The following NFIB variants were observed in gnomAD, a reference collection of about 807,000 sequenced individuals.
NFIB encodes the protein nuclear factor 1 B-type.
In NFIB, 11 loss-of-function variants were observed where a neutral mutation model predicts 61.5. The ratio of observed to expected loss-of-function variants is 0.18; its 90% confidence interval spans 0.11 to 0.30. NFIB has a LOEUF of 0.30. Among genes scored for constraint, NFIB ranks in the 10% least tolerant of loss-of-function variants. NFIB has a pLI of 1.00. For synonymous variants in NFIB, 260 were observed against 216.5 expected (o/e 1.20, Z -1.76); for missense variants, 471 against 608.9 (o/e 0.77, Z 2.38).
chr9:14,157,303 G>A (rs1041714971), intron 3 of NFIB, among the ~76,000 whole-genome samples: 2 of 152,078 alleles, frequency 1.3e-5, no homozygotes, highest in African/African-American at 4.8e-5. Context: ...GCACCACACT[G>A]CTTTTCAACC....
intron 1 of NFIB, among the ~76,000 whole-genome samples, chr9:14,390,745 G>C (rs1026168532): frequency 6.6e-6 from 1 of 152,220 alleles, no homozygotes; most frequent in African/African-American, 2.4e-5. Flanking sequence ...TGAGAACACA[G>C]TGAGAAGATG....
Position 14,313,467 on chromosome 9 carries a change from G to C in NFIB, c.30+15C>G. ...GGCCAGAGAGAAAGCTCGAGAAAGC[G>C]ACCGAGACATGTACCTGAGTGAGAC... On this transcript the variant is annotated intron_variant, in intron 1 of 10. Coordinates refer to ENST00000380953, the MANE Select transcript of NFIB (RefSeq NM_001190737.2). This position sits in a 1 kb window ranked among gnomAD's most constrained non-coding sequence, Gnocchi z 4.5. The C allele has an allele frequency of 6.2e-7, 1 of 1,613,700 alleles. No individual in the cohort carries two copies. Among genetic ancestry groups the C allele is most frequent in the South Asian group, 1.1e-5 (1 of 91,036 alleles).
At chr9:14,220,827 T>C (rs2051548972) in intron 2 of NFIB, among the ~76,000 whole-genome samples, 1 of 119,114 alleles carries the variant, frequency 8.4e-6, no homozygotes, top group Non-Finnish European at 1.8e-5. Flanking sequence ...CTATATCCAG[T>C]GAAATCAATC....
intron 2 of NFIB, among the ~76,000 whole-genome samples, chr9:14,182,051 T>C (rs1329750384): frequency 6.6e-6 from 1 of 152,208 alleles, no homozygotes; most frequent in Non-Finnish European, 1.5e-5. Flanking sequence ...ACTATCCAGC[T>C]AGAACAATGG....
At chr9:14,496,665 T>C in the NFIB span, among the ~76,000 whole-genome samples, 7 of 152,226 alleles carry the variant, frequency 4.6e-5, no homozygotes, top group Admixed American at 3.9e-4. Flanking sequence ...CCTTAATAAG[T>C]GAGGTACCCA....
chr9:14,469,243 T>A, the NFIB span, among the ~76,000 whole-genome samples: 2 of 152,206 alleles, frequency 1.3e-5, no homozygotes, highest in Non-Finnish European at 2.9e-5. Flanking sequence ...AGTTTTATCA[T>A]ACGGCAAAAA....
chr9:14,335,879 T>C (rs945086124), intron 1 of NFIB, among the ~76,000 whole-genome samples: 4 of 152,256 alleles, frequency 2.6e-5, no homozygotes, highest in Non-Finnish European at 5.9e-5. Context: ...CAAAATTCAT[T>C]ACTTTTATAT....
intron 2 of NFIB, among the ~76,000 whole-genome samples, chr9:14,245,136 T>A (rs1484061350): frequency 6.6e-6 from 1 of 152,156 alleles, no homozygotes; most frequent in Non-Finnish European, 1.5e-5. Context: ...AACACTTGGG[T>A]CATGCCTACC....
intron 2 of NFIB, among the ~76,000 whole-genome samples, chr9:14,232,606 G>A (rs1297436051): frequency 6.6e-6 from 1 of 152,156 alleles, no homozygotes; most frequent in Non-Finnish European, 1.5e-5. Flanking sequence ...ACGAAGTCTG[G>A]AAGTCCATTT....
At chr9:14,322,238 C>A (rs2060678661) in intron 1 of NFIB, 2 of 677,358 alleles carry the variant, frequency 3.0e-6, no homozygotes, top group Non-Finnish European at 4.1e-6. Flanking sequence ...TTCCAGCTTT[C>A]TTTCCTCTCC....
chr9:14,530,851 T>C, the NFIB span, among the ~76,000 whole-genome samples: 1 of 147,692 alleles, frequency 6.8e-6, no homozygotes, highest in Non-Finnish European at 1.5e-5. Context: ...ACAATAATTA[T>C]CGAAGCAAAC....
chr9:14,300,314 A>G (rs2059682527), intron 2 of NFIB: 1 of 398,148 alleles, frequency 2.5e-6, no homozygotes, highest in Non-Finnish European at 4.4e-6. Flanking sequence ...AGATTTCTAA[A>G]ATTATTCCTC....
At chr9:14,418,427 C>A in the NFIB span, among the ~76,000 whole-genome samples, 20 of 152,146 alleles carry the variant, frequency 1.3e-4, no homozygotes. Flanking sequence ...TACAAATGAA[C>A]CCCCACCCCC....
intron 4 of NFIB, among the ~76,000 whole-genome samples, chr9:14,153,550 C>A (rs1357653151): frequency 6.6e-6 from 1 of 152,024 alleles, no homozygotes; most frequent in Non-Finnish European, 1.5e-5. Flanking sequence ...CTTTAATCTC[C>A]CTTATTGTTC....
intron 3 of NFIB, among the ~76,000 whole-genome samples, chr9:14,175,563 G>A (rs569677093): frequency 6.6e-5 from 10 of 152,208 alleles, no homozygotes; most frequent in African/African-American, 2.2e-4. Flanking sequence ...TATTTATTTA[G>A]TGTCATCCTT....
chr9:14,211,825 CA>C (rs1479497840), intron 2 of NFIB, among the ~76,000 whole-genome samples: 1 of 152,178 alleles, frequency 6.6e-6, no homozygotes, highest in African/African-American at 2.4e-5. Flanking sequence ...TGAGTTGTGA[CA>C]TGAATATTGT....
the NFIB span, among the ~76,000 whole-genome samples, chr9:14,434,025 G>A: frequency 6.6e-6 from 1 of 152,330 alleles, no homozygotes; most frequent in East Asian, 1.9e-4. Context: ...CTACTGAAGA[G>A]CTGAGCACTA....
At chr9:14,273,559 C>T (rs80223912) in intron 2 of NFIB, among the ~76,000 whole-genome samples, 3,511 of 152,162 alleles carry the variant, frequency 0.023, 66 homozygotes, top group Non-Finnish European at 0.037. Context: ...TGGTCAGGCA[C>T]GCTACACAGA....
chr9:14,088,173 A>C lies in NFIB; in HGVS notation c.*136T>G. 5 of 1,429,734 alleles carry C rather than the reference A, an allele frequency of 3.5e-6. No homozygotes were observed. Among genetic ancestry groups the C allele is most frequent in the Non-Finnish European group, 4.6e-6 (5 of 1,080,700 alleles). 88.6% of individuals were successfully genotyped at this position (1,429,734 alleles called of 1,614,324 possible). On this transcript the variant is annotated 3_prime_UTR_variant, in exon 11 of 11. Coordinates refer to ENST00000380953, the MANE Select transcript of NFIB (RefSeq NM_001190737.2). ...TTTATTTAAAAAAAAAATTTCTTAA[A>C]CTATTGTTGTGTTTCTTTTTCCCTC...
Sources: allele counts gnomAD v4.1 joint callset (sites outside exome capture counted in the v4.1 genomes callset), GRCh38; gene constraint gnomAD v4.1.1; non-coding constraint Gnocchi (gnomAD v3.1); transcripts MANE v1.5; gene names NCBI Gene and HGNC (gene_info 2026-07-23, HGNC 2026-07-21).